Variants in RGL1 observed in about 807,000 individuals in gnomAD.
The protein encoded by RGL1 is ral guanine nucleotide dissociation stimulator like 1, also known as ral guanine nucleotide dissociation stimulator-like 1.
Under a neutral mutation model 95.2 loss-of-function variants are expected in RGL1, and 24 were observed. The ratio of observed to expected loss-of-function variants is 0.25; its 90% CI spans 0.18 to 0.35. The LOEUF (loss-of-function observed/expected upper bound fraction) is 0.35, where lower values mean the gene tolerates loss of function less well. Ranked by LOEUF, RGL1 falls within the 10% of genes least tolerant of loss-of-function variation. The probability of loss-of-function intolerance (pLI) is 1.00; values close to 1 mark genes in which losing one functional copy is unlikely to be tolerated. For missense variants in RGL1, 715 were observed against 936.3 expected, an observed-to-expected ratio of 0.76 and a Z score of 3.08; for synonymous variants, 329 against 344.9, an observed-to-expected ratio of 0.95 and a Z score of 0.51.
Position 183,900,942 on chromosome 1 carries a change from A to G in RGL1, c.1317+706A>G, listed in dbSNP as rs1442998177. The stretch of plus-strand genomic sequence containing the variant: ...CACTTTAAGAGGTCAAGGCAGGTGA[A>G]TCACCTGAGGTCAGGAGTTCAAGAC... On this transcript the variant is annotated intron_variant, in intron 11 of 17. Transcript: ENST00000360851. Among the ~76,000 whole-genome samples the G allele has an allele frequency of 2.0e-5, 3 of 151,686 alleles. No individual in the cohort carries two copies. In the East Asian group the frequency reaches 5.9e-4, roughly 30 times the overall value.
intron 11 of RGL1, among the ~76,000 whole-genome samples, chr1:183,901,943 A>G (rs1056743195): frequency 6.6e-6 from 1 of 152,214 alleles, no homozygotes; most frequent in Non-Finnish European, 1.5e-5. Flanking sequence ...CTTTGCATAG[A>G]TCTACCTACC....
intron 6 of RGL1, among the ~76,000 whole-genome samples, chr1:183,884,144 CAG>C (rs1343809513): frequency 6.6e-6 from 1 of 152,226 alleles, no homozygotes; most frequent in Non-Finnish European, 1.5e-5. Flanking sequence ...GCTCAAGACA[CAG>C]AGGGAAATAA....
chr1:183,671,942 T>C (rs1327109243), intron 1 of RGL1, among the ~76,000 whole-genome samples: 1 of 151,794 alleles, frequency 6.6e-6, no homozygotes, highest in Non-Finnish European at 1.5e-5. Flanking sequence ...TTTTTTCTTT[T>C]TTTTTTTTGA....
At chr1:183,690,282 A>G (rs563633611) in intron 1 of RGL1, among the ~76,000 whole-genome samples, 2 of 152,218 alleles carry the variant, frequency 1.3e-5, no homozygotes, top group Non-Finnish European at 2.9e-5. Flanking sequence ...TGTTGTATGT[A>G]TGTTTATATG....
intron 1 of RGL1, among the ~76,000 whole-genome samples, chr1:183,671,196 C>T (rs112859761): frequency 3.3e-5 from 5 of 152,270 alleles, no homozygotes; most frequent in African/African-American, 7.2e-5. Context: ...TCCACCTGGT[C>T]TCTCCCTTGA....
At chr1:183,918,196 A>G (rs186880583) in intron 16 of RGL1, among the ~76,000 whole-genome samples, 203 of 152,358 alleles carry the variant, frequency 1.3e-3, no homozygotes, top group African/African-American at 4.4e-3. Flanking sequence ...ATTGTCTGAT[A>G]GATGGTCAGA....
intron 2 of RGL1, among the ~76,000 whole-genome samples, chr1:183,762,829 T>C (rs1372628678): frequency 6.6e-6 from 1 of 152,198 alleles, no homozygotes; most frequent in African/African-American, 2.4e-5. Flanking sequence ...GAAGACAGTA[T>C]GGCAATTCCT....
At chr1:183,705,915 A>G (rs1329551810) in intron 1 of RGL1, among the ~76,000 whole-genome samples, 1 of 152,086 alleles carries the variant, frequency 6.6e-6, no homozygotes, top group Admixed American at 6.6e-5. Context: ...GGGATGGGAT[A>G]CTGCTTCTGT....
Position 183,900,254 on chromosome 1 carries a change from G to T in RGL1, c.1317+18G>T, listed in dbSNP as rs748377352. On this transcript the variant is annotated intron_variant, in intron 11 of 17. Transcript: ENST00000360851. ...ACATCGAGGTGAGTTCCATGTGGGT[G>T]GTGTGATCGGGCCTGCAGCCTTCCC... 61 of 1,598,276 alleles carry T rather than the reference G, an allele frequency of 3.8e-5. No homozygotes were observed. Among genetic ancestry groups the T allele is most frequent in the Admixed American group, 5.0e-5 (3 of 59,948 alleles).
Position 183,912,183 on chromosome 1 carries a change from G to A in RGL1, c.1664G>A (p.Ser555Asn). 6.2e-7 allele frequency: 1 copy of A among 1,614,122 alleles called. No homozygotes were observed. ...GSSGESMDSVSVSSCESNHSE... is the reference protein window; with the variant it reads ...GSSGESMDSVNVSSCESNHSE... ...TCTGGTGAAAGCATGGACTCTGTCA[G>A]CGTGTCATCCTGCGAGTCGAACCAC... Residue 555 changes from serine to asparagine, a missense_variant, in exon 15 of 18, where the codon AGC (serine) becomes AAC (asparagine). Around this residue, in one of 3 missense-constraint regions of RGL1, gnomAD observed 330 missense variants for 429.6 expected, o/e 0.77. Coordinates refer to ENST00000360851, the MANE Select transcript of RGL1 (RefSeq NM_001297671.3).
chr1:183,700,190 T>C (rs967429718), intron 1 of RGL1, among the ~76,000 whole-genome samples: 1 of 152,204 alleles, frequency 6.6e-6, no homozygotes, highest in Non-Finnish European at 1.5e-5. Flanking sequence ...AAAGCCATAC[T>C]GCACCACTAG....
intron 2 of RGL1, among the ~76,000 whole-genome samples, chr1:183,842,265 G>C (rs898743377): frequency 2.2e-4 from 33 of 151,940 alleles, no homozygotes; most frequent in Non-Finnish European, 2.9e-5. Flanking sequence ...ATCCTAATGA[G>C]GTTGTTTGCT....
chr1:183,728,116 C>T (rs146156061), intron 1 of RGL1, among the ~76,000 whole-genome samples: 1 of 152,296 alleles, frequency 6.6e-6, no homozygotes, highest in Non-Finnish European at 1.5e-5. Context: ...TAAGCTGGGA[C>T]ATTGGTCTCC....
chr1:183,771,981 G>A (rs1184205795), intron 2 of RGL1, among the ~76,000 whole-genome samples: 3 of 152,210 alleles, frequency 2.0e-5, no homozygotes, highest in African/African-American at 4.8e-5. Context: ...AGGCACTCAA[G>A]CAGGCTATTG....
At chr1:183,729,937 G>C in intron 1 of RGL1, among the ~76,000 whole-genome samples, 1 of 152,152 alleles carries the variant, frequency 6.6e-6, no homozygotes, top group African/African-American at 2.4e-5. Context: ...ACAGAAAGCA[G>C]GTTCATGGTT....
intron 2 of RGL1, among the ~76,000 whole-genome samples, chr1:183,820,577 A>G (rs1377818082): frequency 1.3e-5 from 2 of 151,788 alleles, no homozygotes; most frequent in East Asian, 3.9e-4. Flanking sequence ...CATCATTGCC[A>G]CTCTCTTGCT....
chr1:183,757,340 T>G (rs938869805), intron 2 of RGL1, among the ~76,000 whole-genome samples: 1 of 152,012 alleles, frequency 6.6e-6, no homozygotes, highest in Admixed American at 6.6e-5. Context: ...AAGAGAGAAG[T>G]TTTTAAAAAC....
intron 1 of RGL1, among the ~76,000 whole-genome samples, chr1:183,675,881 C>G (rs1652796555): frequency 6.6e-6 from 1 of 152,164 alleles, no homozygotes; most frequent in Admixed American, 6.5e-5. Context: ...TGTGGTGGCT[C>G]ATGCCTGTGA....
At position 183,873,354 on chromosome 1, in the gene RGL1, G is replaced by A. The variant is rs10911455; in HGVS notation, c.426-7262G>A. 1.7e-3 allele frequency among the ~76,000 whole-genome samples: 265 copies of A among 152,322 alleles called. 2 individuals are homozygous for A. Among genetic ancestry groups the A allele is most frequent in the African/African-American group, 6.0e-3 (249 of 41,564 alleles). On this transcript the variant is annotated intron_variant, in intron 4 of 17. Coordinates refer to ENST00000360851, the MANE Select transcript of RGL1 (RefSeq NM_001297671.3). ...TTGTGGTATGCTTACAAGGCATTCT[G>A]CTAAGTACTTTATATTTGTGTCTTC...
Sources: allele counts gnomAD v4.1 joint callset (sites outside exome capture counted in the v4.1 genomes callset), GRCh38; gene constraint gnomAD v4.1.1; regional missense constraint gnomAD v4.1.1; transcripts MANE v1.5; gene names NCBI Gene and HGNC (gene_info 2026-07-23, HGNC 2026-07-21).